The following ATXN7 variants were observed in gnomAD, a reference collection of about 807,000 sequenced individuals.
The protein encoded by ATXN7 is ataxin 7.
In ATXN7, 12 loss-of-function variants were observed where a neutral mutation model predicts 70.5. That is an observed-to-expected ratio of 0.17 (90% CI 0.11 to 0.28). The LOEUF (loss-of-function observed/expected upper bound fraction) is 0.28. Ranked by LOEUF, ATXN7 falls within the 10% of genes least tolerant of loss-of-function variation. The pLI, the probability that ATXN7 is intolerant of heterozygous loss-of-function variation, is 1.00. For synonymous variants in ATXN7, 498 were observed against 448.7 expected (o/e 1.11, Z -1.39); for missense variants, 1,256 against 1,131.7 (o/e 1.11, Z -1.58).
chr3:63,990,443 C>T (rs2075651622), intron 10 of ATXN7, 69 bp downstream of exon 10: 5 of 1,560,002 alleles, frequency 3.2e-6, no homozygotes, highest in Admixed American at 1.7e-5. Flanking sequence ...CAGGGGGGCG[C>T]GCCAGGGATC....
intron 6 of ATXN7, 114 bp from the exon 7 acceptor site, chr3:63,982,072 C>G: frequency 7.3e-7 from 1 of 1,367,176 alleles, no homozygotes; most frequent in Non-Finnish European, 1.0e-6. Context: ...AAGAGGCTGG[C>G]CCTGTGCAGC....
chr3:63,873,393 C>T (rs1702652798), intron 1 of ATXN7, among the ~76,000 whole-genome samples: 1 of 152,124 alleles, frequency 6.6e-6, no homozygotes, highest in Non-Finnish European at 1.5e-5. Flanking sequence ...ACAGTCTTCT[C>T]AGGATACAGG....
intron 4 of ATXN7, among the ~76,000 whole-genome samples, chr3:63,933,004 C>T (rs149045027): frequency 2.1e-4 from 32 of 152,258 alleles, no homozygotes; most frequent in African/African-American, 7.5e-4. Flanking sequence ...CTGCTTTTAC[C>T]GACAGTCCTA....
chr3:63,980,781 A>C (rs1319054009), intron 6 of ATXN7: 1 of 152,826 alleles, frequency 6.5e-6, no homozygotes. Flanking sequence ...AGATGCAGAG[A>C]TTCCCAGATG....
intron 5 of ATXN7, among the ~76,000 whole-genome samples, chr3:63,957,646 C>G (rs963799478): frequency 1.3e-5 from 2 of 152,226 alleles, no homozygotes; most frequent in African/African-American, 4.8e-5. Flanking sequence ...CTGAGGCTTG[C>G]TCTCTGTTAA....
At chr3:63,951,759 G>A (rs1201738133) in intron 4 of ATXN7, among the ~76,000 whole-genome samples, 1 of 152,122 alleles carries the variant, frequency 6.6e-6, no homozygotes, top group African/African-American at 2.4e-5. Flanking sequence ...CAAACAGCTC[G>A]TATCCTACCC....
At chr3:63,979,889 C>G in intron 5 of ATXN7, 26 bp from the exon 6 acceptor site, 1 of 1,611,574 alleles carries the variant, frequency 6.2e-7, no homozygotes, top group South Asian at 1.1e-5. Flanking sequence ...AACATGATGT[C>G]TTTTTTTCTT....
intron 1 of ATXN7, among the ~76,000 whole-genome samples, chr3:63,867,258 A>G (rs1044043843): frequency 4.6e-5 from 7 of 152,220 alleles, no homozygotes; most frequent in African/African-American, 1.7e-4. Flanking sequence ...TTTAGAAAAG[A>G]GATCCAGGAC....
intron 2 of ATXN7, among the ~76,000 whole-genome samples, chr3:63,906,382 C>G (rs993670472): frequency 6.6e-6 from 1 of 152,172 alleles, no homozygotes; most frequent in Non-Finnish European, 1.5e-5. Flanking sequence ...CTGCATTGTT[C>G]GTCCTAGGTT....
chr3:63,896,011 A>G (rs1703434543), intron 1 of ATXN7, among the ~76,000 whole-genome samples: 1 of 152,150 alleles, frequency 6.6e-6, no homozygotes, highest in Admixed American at 6.5e-5. Flanking sequence ...TCTAAGAAGA[A>G]CACATTGACT....
intron 4 of ATXN7, among the ~76,000 whole-genome samples, chr3:63,951,549 A>T (rs1022394807): frequency 4.6e-5 from 7 of 152,234 alleles, no homozygotes; most frequent in African/African-American, 1.7e-4. Flanking sequence ...ACTGATTTTG[A>T]AATACTTAAA....
chr3:63,982,362 A>C lies in ATXN7; in HGVS notation c.929A>C (p.Lys310Thr). 1 of 1,614,170 alleles carries C rather than the reference A, an allele frequency of 6.2e-7. No individual in the cohort carries two copies. The highest frequency in any genetic ancestry group is 1.1e-5 in the South Asian group (1 of 91,082). The change falls in exon 7 of 13, where the codon AAA (lysine) becomes ACA (threonine). Residue 310 changes from lysine to threonine, a missense_variant. By Grantham distance (78) the Lys-to-Thr change is moderately conservative. Coordinates refer to ENST00000674280, the MANE Select transcript of ATXN7 (RefSeq NM_001377405.1). ...LPSPGQILNGKGLPAPPTLEK... is the reference protein window; with the variant it reads ...LPSPGQILNGTGLPAPPTLEK... ...TCACCTGGACAGATTCTGAATGGCAAAGGGCTTCCTGCACCGCCCACTCTG... is the reference window on the plus strand; with the variant it reads ...TCACCTGGACAGATTCTGAATGGCACAGGGCTTCCTGCACCGCCCACTCTG...
intron 4 of ATXN7, among the ~76,000 whole-genome samples, chr3:63,925,549 C>T (rs1382488670): frequency 1.3e-5 from 2 of 152,182 alleles, no homozygotes; most frequent in Admixed American, 6.5e-5. Context: ...TCCCCTGACC[C>T]CCCCAACCCT....
upstream of ATXN7, chr3:63,863,409 C>G: frequency 9.4e-7 from 1 of 1,064,726 alleles, no homozygotes; most frequent in Non-Finnish European, 1.1e-6. Context: ...TAGACAAACC[C>G]GGACTCCCTC....
At chr3:63,921,352 C>T (rs892617399) in intron 4 of ATXN7, among the ~76,000 whole-genome samples, 8 of 152,002 alleles carry the variant, frequency 5.3e-5, no homozygotes, top group African/African-American at 1.7e-4. Context: ...ACCAGTGGTC[C>T]CCAGGCTTTA....
At chr3:63,974,511 C>T (rs1165077440) in intron 5 of ATXN7, among the ~76,000 whole-genome samples, 2 of 152,244 alleles carry the variant, frequency 1.3e-5, no homozygotes, top group Non-Finnish European at 2.9e-5. Context: ...GTCAGCCTGC[C>T]TGGGATTGCA....
At chr3:63,886,792 C>G (rs1409351462) in intron 1 of ATXN7, among the ~76,000 whole-genome samples, 10 of 152,266 alleles carry the variant, frequency 6.6e-5, no homozygotes, top group African/African-American at 2.4e-4. Flanking sequence ...CCTTAGTGTT[C>G]TGGTCTTATT....
At chr3:63,924,188 G>C (rs183306723) in intron 4 of ATXN7, among the ~76,000 whole-genome samples, 1 of 152,280 alleles carries the variant, frequency 6.6e-6, no homozygotes, top group Non-Finnish European at 1.5e-5. Context: ...GGGATTTGGG[G>C]CTTGAGCAAC....
At chr3:63,885,385 C>T (rs1185960004) in intron 1 of ATXN7, among the ~76,000 whole-genome samples, 1 of 152,102 alleles carries the variant, frequency 6.6e-6, no homozygotes, top group African/African-American at 2.4e-5. Context: ...GTTAAAACCA[C>T]AGTGAGATAT....
Sources: allele counts gnomAD v4.1 joint callset (sites outside exome capture counted in the v4.1 genomes callset), GRCh38; gene constraint gnomAD v4.1.1; transcripts MANE v1.5; gene names NCBI Gene and HGNC (gene_info 2026-07-23, HGNC 2026-07-21).